LINGO2: variants seen among roughly 807,000 people sequenced by gnomAD.
LINGO2 encodes leucine-rich repeat and immunoglobulin-like domain-containing nogo receptor-interacting protein 2.
LINGO2 carries 14 observed loss-of-function variants against 30.6 expected under a neutral mutation model. The observed-to-expected ratio is 0.46, with a 90% confidence interval of 0.30 to 0.72. LINGO2 has a LOEUF of 0.72. Among genes scored for constraint, LINGO2 ranks in the 30% least tolerant of loss-of-function variants. LINGO2 has a pLI of 0.07. For synonymous variants in LINGO2, 317 were observed against 288.5 expected (o/e 1.10, Z -1.00); for missense variants, 729 against 751.7 (o/e 0.97, Z 0.35).
the LINGO2 span, among the ~76,000 whole-genome samples, chr9:28,926,490 C>G: frequency 6.6e-6 from 1 of 151,754 alleles, no homozygotes; most frequent in Admixed American, 6.6e-5. Context: ...GCTGACATGA[C>G]AAAGATATAA....
At chr9:28,249,252 C>T (rs1822110583) in intron 4 of LINGO2, among the ~76,000 whole-genome samples, 1 of 152,076 alleles carries the variant, frequency 6.6e-6, no homozygotes, top group African/African-American at 2.4e-5. Flanking sequence ...TTACCTAAAA[C>T]TCTCTACAGT....
At chr9:28,853,786 G>A in the LINGO2 span, among the ~76,000 whole-genome samples, 12 of 151,822 alleles carry the variant, frequency 7.9e-5, no homozygotes, top group African/African-American at 2.7e-4. Flanking sequence ...ATAGGAAACC[G>A]CCCCTATGAT....
intron 4 of LINGO2, among the ~76,000 whole-genome samples, chr9:28,121,691 A>G (rs1200095420): frequency 6.6e-6 from 1 of 152,182 alleles, no homozygotes; most frequent in African/African-American, 2.4e-5. Flanking sequence ...GAAATACCCA[A>G]AGATTTATGA....
chr9:29,094,256 A>C, the LINGO2 span, among the ~76,000 whole-genome samples: 2 of 138,972 alleles, frequency 1.4e-5, 1 homozygote, highest in South Asian at 4.5e-4. Flanking sequence ...TTTAGAACAG[A>C]GGTGATTTAA....
chr9:27,977,735 C>T (rs1208303854), intron 5 of LINGO2, among the ~76,000 whole-genome samples: 1 of 151,472 alleles, frequency 6.6e-6, no homozygotes, highest in Non-Finnish European at 1.5e-5. Context: ...CTGAATATGT[C>T]ACTACCCAAT....
intron 1 of LINGO2, among the ~76,000 whole-genome samples, chr9:28,664,620 CAT>C (rs1411084020): frequency 6.6e-6 from 1 of 152,036 alleles, no homozygotes; most frequent in Non-Finnish European, 1.5e-5. Flanking sequence ...AAGAGAGAAA[CAT>C]ACACAAATTT....
intron 4 of LINGO2, among the ~76,000 whole-genome samples, chr9:28,045,121 T>C (rs1587758065): frequency 6.6e-6 from 1 of 151,898 alleles, no homozygotes; most frequent in African/African-American, 2.4e-5. Flanking sequence ...CCCCCATCCT[T>C]ATGATCCCAC....
At chr9:28,959,051 C>T in the LINGO2 span, among the ~76,000 whole-genome samples, 1 of 152,116 alleles carries the variant, frequency 6.6e-6, no homozygotes, top group African/African-American at 2.4e-5. Context: ...TGGTGTATTT[C>T]ACCACCTAAT....
the LINGO2 span, among the ~76,000 whole-genome samples, chr9:28,883,178 T>C: frequency 6.6e-6 from 1 of 152,064 alleles, no homozygotes; most frequent in Non-Finnish European, 1.5e-5. Flanking sequence ...ATGTCAGTCT[T>C]CTTTAATTTA....
the LINGO2 span, among the ~76,000 whole-genome samples, chr9:29,153,739 A>G: frequency 1.3e-5 from 2 of 152,218 alleles, no homozygotes; most frequent in African/African-American, 2.4e-5. Context: ...AATCTCTGCA[A>G]TCAAACTGGT....
chr9:28,552,411 C>T (rs1176084373), intron 1 of LINGO2, among the ~76,000 whole-genome samples: 1 of 152,032 alleles, frequency 6.6e-6, no homozygotes. Flanking sequence ...GATTATAACT[C>T]ATACTGTCTC....
At chr9:28,372,805 A>G (rs762763653) in intron 3 of LINGO2, 31 bp downstream of exon 5, 3 of 152,592 alleles carry the variant, frequency 2.0e-5, no homozygotes, top group Non-Finnish European at 4.4e-5. Context: ...CAAATTGTCA[A>G]TTTATAACAA....
At chr9:28,771,772 C>T in the LINGO2 span, among the ~76,000 whole-genome samples, 961 of 152,094 alleles carry the variant, frequency 6.3e-3, 11 homozygotes, top group African/African-American at 0.021. Context: ...AGGAAAGATG[C>T]TTTATTATTA....
At chr9:28,866,961 T>G in the LINGO2 span, among the ~76,000 whole-genome samples, 1 of 152,190 alleles carries the variant, frequency 6.6e-6, no homozygotes, top group African/African-American at 2.4e-5. Flanking sequence ...GAATCTTGTA[T>G]CTTACATTTT....
chr9:29,090,170 C>T, the LINGO2 span, among the ~76,000 whole-genome samples: 3 of 151,988 alleles, frequency 2.0e-5, no homozygotes, highest in East Asian at 5.8e-4. Flanking sequence ...CATATCTTTG[C>T]TAATATAACC....
intron 1 of LINGO2, among the ~76,000 whole-genome samples, chr9:28,510,565 A>G (rs1197429693): frequency 1.3e-5 from 2 of 151,942 alleles, no homozygotes; most frequent in Non-Finnish European, 2.9e-5. Context: ...GAGGAGGTGG[A>G]GGAGGTGGAA....
chr9:29,035,917 T>C, the LINGO2 span, among the ~76,000 whole-genome samples: 1 of 151,930 alleles, frequency 6.6e-6, no homozygotes, highest in Non-Finnish European at 1.5e-5. Flanking sequence ...GGAAAAATAT[T>C]GAAATCTTGG....
At chr9:29,052,230 C>T in the LINGO2 span, among the ~76,000 whole-genome samples, 1 of 152,116 alleles carries the variant, frequency 6.6e-6, no homozygotes, top group Admixed American at 6.6e-5. Flanking sequence ...ACTATTTATT[C>T]TTTTCAATAC....
the LINGO2 span, among the ~76,000 whole-genome samples, chr9:28,718,939 T>G: frequency 3.9e-5 from 6 of 152,044 alleles, no homozygotes; most frequent in Non-Finnish European, 8.8e-5. Flanking sequence ...ATCCATTTAC[T>G]TTCTCTGAAA....
Sources: allele counts gnomAD v4.1 joint callset (sites outside exome capture counted in the v4.1 genomes callset), GRCh38; gene constraint gnomAD v4.1.1; transcripts MANE v1.5; gene names NCBI Gene and HGNC (gene_info 2026-07-23, HGNC 2026-07-21).